PARVB: variants seen among roughly 807,000 people sequenced by gnomAD.
PARVB encodes parvin beta.
PARVB carries 46 observed loss-of-function variants against 47.0 expected under a neutral mutation model. That is an observed-to-expected ratio of 0.98 (90% CI 0.77 to 1.25). The LOEUF (loss-of-function observed/expected upper bound fraction) is 1.25. Among genes scored for constraint, PARVB ranks in the 50% most tolerant of loss-of-function variants. The probability of loss-of-function intolerance (pLI) is 0.00; values close to 1 mark genes in which losing one functional copy is unlikely to be tolerated. For missense variants in PARVB, 473 were observed against 471.6 expected (o/e 1.00, Z -0.03); for synonymous variants, 196 against 196.3 (o/e 1.00, Z 0.01).
chr22:44,078,327 C>A (rs952354474), intron 1 of PARVB, among the ~76,000 whole-genome samples: 1 of 152,158 alleles, frequency 6.6e-6, no homozygotes, highest in Non-Finnish European at 1.5e-5. Flanking sequence ...GTGGTTAGAC[C>A]CGGACCTGCC....
chr22:44,126,966 G>A (rs1395031235), intron 4 of PARVB, among the ~76,000 whole-genome samples: 1 of 152,120 alleles, frequency 6.6e-6, no homozygotes, highest in African/African-American at 2.4e-5. Context: ...AATTACAGGG[G>A]CATCTTTAAA....
intron 2 of PARVB, among the ~76,000 whole-genome samples, chr22:44,099,222 G>C (rs977937617): frequency 6.6e-6 from 1 of 152,252 alleles, no homozygotes; most frequent in Non-Finnish European, 1.5e-5. Context: ...AGGTCCCGGA[G>C]CTGGACAGTG....
At chr22:44,028,437 A>C (rs2146886760) in intron 1 of PARVB, among the ~76,000 whole-genome samples, 1 of 152,186 alleles carries the variant, frequency 6.6e-6, no homozygotes, top group African/African-American at 2.4e-5. Flanking sequence ...TCTTCCACTC[A>C]ATGATATACA....
At chr22:44,037,182 A>C (rs1047594666) in intron 1 of PARVB, among the ~76,000 whole-genome samples, 1 of 152,070 alleles carries the variant, frequency 6.6e-6, no homozygotes, top group South Asian at 2.1e-4. Flanking sequence ...ACAACAACAA[A>C]AAAAGAAAAA....
In PARVB at chr22:44,160,674, G is replaced by A. The variant is rs115522558; in HGVS notation, c.945+2591G>A. On this transcript the variant is annotated intron_variant, in intron 11 of 12. Transcript: ENST00000338758. ...ATGGCCTTGAGAGATAACAGGCATG[G>A]GAGGGTGGCAATTTCCTGCCTGGCA... Among the ~76,000 whole-genome samples, 470 of 152,304 alleles carry A rather than the reference G, an allele frequency of 3.1e-3. 7 individuals are homozygous for A. Among genetic ancestry groups the A allele is most frequent in the African/African-American group, 0.011 (442 of 41,560 alleles).
intron 6 of PARVB, among the ~76,000 whole-genome samples, chr22:44,135,635 A>G (rs964126845): frequency 5.9e-5 from 9 of 152,330 alleles, no homozygotes; most frequent in African/African-American, 2.2e-4. Flanking sequence ...CAGCCATAAC[A>G]AAGTACCACA....
intron 3 of PARVB, chr22:44,108,577 C>G (rs899235026): frequency 1.3e-5 from 2 of 151,982 alleles, no homozygotes; most frequent in South Asian, 2.1e-4. Context: ...AGACAGTCAG[C>G]GAAGGGAGAT....
rs1601546919 is a variant in PARVB at position 44,063,755 on chromosome 22, G to C, written c.113-30173G>C. ...TCCACACTCACAGAGGGCATGGTCT[G>C]TGCCCCTTGGGATCAGGCAGCTGCT... On this transcript the variant is annotated intron_variant, in intron 1 of 12. Transcript: ENST00000338758. Among the ~76,000 whole-genome samples, 3 of 152,270 alleles carry C rather than the reference G, an allele frequency of 2.0e-5. No homozygotes were observed. The South Asian group carries it at 6.2e-4, about 32-fold the overall frequency.
chr22:44,080,644 G>T (rs1176705654), intron 1 of PARVB, among the ~76,000 whole-genome samples: 1 of 152,208 alleles, frequency 6.6e-6, no homozygotes, highest in African/African-American at 2.4e-5. Flanking sequence ...CCTGGGACTT[G>T]ATGTGGACAT....
chr22:44,084,071 T>G (rs1225025405), intron 1 of PARVB, among the ~76,000 whole-genome samples: 1 of 152,190 alleles, frequency 6.6e-6, no homozygotes, highest in Admixed American at 6.5e-5. Flanking sequence ...TCTGGTGCCT[T>G]CATCTCCAGG....
At chr22:44,053,808 T>C (rs2051255659) in intron 1 of PARVB, among the ~76,000 whole-genome samples, 2 of 152,214 alleles carry the variant, frequency 1.3e-5, no homozygotes, top group Admixed American at 1.3e-4. Context: ...CCTGGTTTAT[T>C]ATAAAGGATA....
chr22:44,093,287 T>G (rs529605258), intron 1 of PARVB, among the ~76,000 whole-genome samples: 2 of 152,330 alleles, frequency 1.3e-5, no homozygotes, highest in African/African-American at 4.8e-5. Flanking sequence ...CCCTAATCAC[T>G]GGGCGTTCCA....
chr22:44,075,816 C>T (rs1000147856), intron 1 of PARVB, among the ~76,000 whole-genome samples: 7 of 152,246 alleles, frequency 4.6e-5, no homozygotes, highest in South Asian at 2.1e-4. Context: ...ATTGTCTGGA[C>T]GGATCCATTT....
At chr22:44,097,439 G>T (rs1009564498) in intron 2 of PARVB, among the ~76,000 whole-genome samples, 8 of 152,326 alleles carry the variant, frequency 5.3e-5, no homozygotes, top group African/African-American at 1.9e-4. Context: ...GGCCTGCGGG[G>T]GTTTCATGTC....
At chr22:44,081,251 C>T (rs1475314415) in intron 1 of PARVB, among the ~76,000 whole-genome samples, 7 of 152,156 alleles carry the variant, frequency 4.6e-5, no homozygotes. Context: ...CCAATGGCTT[C>T]CAGCACTCCC....
intron 2 of PARVB, among the ~76,000 whole-genome samples, chr22:44,017,172 G>A (rs368676699): frequency 6.6e-6 from 1 of 152,138 alleles, no homozygotes; most frequent in South Asian, 2.1e-4. Flanking sequence ...ACCGTGCCTG[G>A]CCACCTTCCC....
At chr22:44,037,203 A>C (rs2050937840) in intron 1 of PARVB, among the ~76,000 whole-genome samples, 1 of 152,118 alleles carries the variant, frequency 6.6e-6, no homozygotes, top group South Asian at 2.1e-4. Context: ...ACAGCTGAGC[A>C]TGGTGGCACA....
chr22:44,087,921 C>G (rs1003531975), intron 1 of PARVB, among the ~76,000 whole-genome samples: 2 of 149,248 alleles, frequency 1.3e-5, no homozygotes, highest in African/African-American at 5.0e-5. Context: ...GGAAGCCGCA[C>G]ATATTCCACC....
At chr22:44,134,314 AT>A (rs2053394920) in intron 6 of PARVB, among the ~76,000 whole-genome samples, 2 of 151,876 alleles carry the variant, frequency 1.3e-5, no homozygotes, top group South Asian at 2.1e-4. Context: ...GGCCATTCCT[AT>A]GGCCCCGTGT....
Sources: gnomAD v4.1 joint callset for allele counts (sites outside exome capture counted in the v4.1 genomes callset) on GRCh38, gnomAD v4.1.1 for gene constraint, MANE v1.5 for transcripts, NCBI Gene and HGNC (gene_info 2026-07-23, HGNC 2026-07-21) for gene names.